The following PCDHGA6 variants were observed in gnomAD, a reference collection of about 807,000 sequenced individuals.
The protein encoded by PCDHGA6 is protocadherin gamma subfamily A, 6, also known as protocadherin gamma-A6.
Under a neutral mutation model 60.6 loss-of-function variants are expected in PCDHGA6, and 41 were observed. The observed-to-expected ratio is 0.68, with a 90% CI of 0.53 to 0.88. The LOEUF (loss-of-function observed/expected upper bound fraction) is 0.88. Ranked by LOEUF, PCDHGA6 falls within the 40% of genes least tolerant of loss-of-function variation. The pLI is 0.00. For missense variants in PCDHGA6, 1,312 were observed against 1,203.0 expected, an observed-to-expected ratio of 1.09 and a Z score of -1.34; for synonymous variants, 594 against 524.4, an observed-to-expected ratio of 1.13 and a Z score of -1.81.
chr5:141,476,224 G>T lies in PCDHGA6; in HGVS notation c.2425-18583G>T. 6.2e-7 allele frequency: 1 copy of T among 1,614,062 alleles called. No individual in the cohort carries two copies. The highest frequency in any genetic ancestry group is 1.1e-5 in the South Asian group (1 of 91,072). ...AGGCTTCCACGGTCATTCACTATGA[G>T]ATCCCGGAGGAAAGAGAGAAGGGTT... On this transcript the variant is annotated intron_variant, in intron 1 of 3. Transcript: ENST00000517434. This position sits in a 1 kb window ranked among gnomAD's most constrained non-coding sequence, Gnocchi z 7.6.
chr5:141,430,458 A>G, intron 1 of PCDHGA6: 1 of 204,230 alleles, frequency 4.9e-6, no homozygotes, highest in Non-Finnish European at 9.7e-6. Context: ...GAAGAACAGT[A>G]GGTGGAGCTA....
rs747509171 is a variant in PCDHGA6, at chr5:141,477,069, A to G, written c.2425-17738A>G. The stretch of plus-strand genomic sequence containing the variant: ...CTGGACTTCGAGGACACCAAACTCC[A>G]TGAGATTTACATCCAGGCCAAAGAC... On this transcript the variant is annotated intron_variant, in intron 1 of 3. Coordinates refer to ENST00000517434, the MANE Select transcript of PCDHGA6 (RefSeq NM_018919.3). The surrounding 1 kb of genome is among the most constrained non-coding windows in gnomAD (Gnocchi z 4.9). 7 of 1,614,246 alleles carry G rather than the reference A, an allele frequency of 4.3e-6. No homozygotes were observed. The highest frequency in any genetic ancestry group is 5.9e-6 in the Non-Finnish European group (7 of 1,180,026).
chr5:141,421,650 A>G, intron 1 of PCDHGA6: 1 of 1,613,868 alleles, frequency 6.2e-7, no homozygotes, highest in South Asian at 1.1e-5. Flanking sequence ...AAGTGGAGAT[A>G]AAAGTCAGTG....
At chr5:141,425,546 A>G (rs2096882460) in intron 1 of PCDHGA6, among the ~76,000 whole-genome samples, 1 of 152,202 alleles carries the variant, frequency 6.6e-6, no homozygotes, top group African/African-American at 2.4e-5. Flanking sequence ...CTTTTCAGAA[A>G]CCTCTTTTAT....
chr5:141,403,215 G>A (rs2150961720), intron 1 of PCDHGA6: 1 of 1,613,996 alleles, frequency 6.2e-7, no homozygotes, highest in South Asian at 1.1e-5. Flanking sequence ...GTCACCGCGG[G>A]TAGGATAGAC....
At chr5:141,415,079 C>A (rs1388248799) in intron 1 of PCDHGA6, 1 of 1,613,380 alleles carries the variant, frequency 6.2e-7, no homozygotes, top group Non-Finnish European at 8.5e-7. Context: ...ACGGCGCGAG[C>A]CCTGCTGGAC....
At chr5:141,399,609 T>C in intron 1 of PCDHGA6, 2 of 1,613,918 alleles carry the variant, frequency 1.2e-6, no homozygotes, top group Non-Finnish European at 1.7e-6. Flanking sequence ...ACCTAGAGCC[T>C]CTGGCACTGG....
intron 1 of PCDHGA6, chr5:141,415,740 G>GTTTTTTTT (rs57426385): frequency 1.3e-4 from 79 of 625,006 alleles, no homozygotes; most frequent in African/African-American, 1.8e-4. Flanking sequence ...GTTTATTAAG[G>GTTTTTTTT]TTTTTTTTTT....
rs759439765 is a variant in PCDHGA6 at position 141,478,199 on chromosome 5, C to A, written c.2425-16608C>A. ...GAAAAAAAATCTCACCTTTTATCTA[C>A]TTCTTTCTCTAATCCTGGTTTCTGT... On this transcript the variant is annotated intron_variant, in intron 1 of 3. Coordinates refer to ENST00000517434, the MANE Select transcript of PCDHGA6 (RefSeq NM_018919.3). The A allele has an allele frequency of 3.8e-5, 62 of 1,613,938 alleles. No homozygotes were observed. Among genetic ancestry groups the A allele is most frequent in the Non-Finnish European group, 5.0e-5 (59 of 1,180,046 alleles).
chr5:141,400,209 G>T (rs371270054), intron 1 of PCDHGA6: 8 of 1,613,934 alleles, frequency 5.0e-6, no homozygotes, highest in African/African-American at 2.7e-5. Flanking sequence ...CCTTGGCCTT[G>T]ATCTCAGTGC....
Position 141,491,699 on chromosome 5 carries a change from A to G in PCDHGA6, c.2425-3108A>G. The G allele has an allele frequency of 6.2e-7, 1 of 1,612,008 alleles. No individual in the cohort carries two copies. The highest frequency in any genetic ancestry group is 1.1e-5 in the South Asian group (1 of 90,926). ...TCTAATACGCTGCGGGAGCGGAGCC[A>G]GGTGAGGGGCTCGGCGCCGCCCCGG... On this transcript the variant is annotated intron_variant, in intron 1 of 3. Transcript: ENST00000517434. The surrounding 1 kb of genome is among the most constrained non-coding windows in gnomAD (Gnocchi z 6.9).
chr5:141,419,443 C>G lies in PCDHGA6; in HGVS notation c.2424+42936C>G, dbSNP rs1476796525. ...TCGACCACGAGCAGCTGCGCACCTT[C>G]GAGCTCACGCTGCAGGCCCGCGACC... On this transcript the variant is annotated intron_variant, in intron 1 of 3. Coordinates refer to ENST00000517434, the MANE Select transcript of PCDHGA6 (RefSeq NM_018919.3). 6.2e-7 allele frequency: 1 copy of G among 1,613,080 alleles called. No individual in the cohort carries two copies. Among genetic ancestry groups the G allele is most frequent in the Non-Finnish European group, 8.5e-7 (1 of 1,179,758 alleles).
rs1394234849 is a variant in PCDHGA6 at position 141,415,739 on chromosome 5, GGTTT to G, written c.2424+39233_2424+39236del. The G allele has an allele frequency of 1.9e-3, 837 of 434,806 alleles. 9 individuals are homozygous for G. In the African/African-American group the frequency reaches 0.026, roughly 14 times the overall value. The allele number at this position is 434,806 out of a possible 1,614,324, so 26.9% of individuals were successfully genotyped here. A position where few individuals can be genotyped will look rare whatever the true frequency, so the allele number is the denominator to read the frequency against. On this transcript the variant is annotated intron_variant, in intron 1 of 3. Coordinates refer to ENST00000517434, the MANE Select transcript of PCDHGA6 (RefSeq NM_018919.3). ...ATGAGTAGAATTTGATGTTTATTAAGGTTTTTTTTTTTTTTTTTTTTTTTTTTTT... is the reference window on the plus strand; with the variant it reads ...ATGAGTAGAATTTGATGTTTATTAAGTTTTTTTTTTTTTTTTTTTTTTTTT...
chr5:141,461,269 TTC>T (rs1316205976), intron 1 of PCDHGA6, among the ~76,000 whole-genome samples: 4 of 152,186 alleles, frequency 2.6e-5, no homozygotes, highest in Admixed American at 2.0e-4. Flanking sequence ...TGTGTAAGTG[TTC>T]TCTTTTCCCC....
chr5:141,401,537 A>G (rs188857820), intron 1 of PCDHGA6, among the ~76,000 whole-genome samples: 56 of 152,362 alleles, frequency 3.7e-4, no homozygotes, highest in Non-Finnish European at 7.5e-4. Context: ...AACTTACAAA[A>G]AAAAGGAAAT....
intron 1 of PCDHGA6, chr5:141,405,323 T>C (rs1420760439): frequency 6.2e-7 from 1 of 1,614,220 alleles, no homozygotes; most frequent in Non-Finnish European, 8.5e-7. Context: ...AAATGAGCCT[T>C]TGTGCGTCTC....
chr5:141,458,633 A>C (rs548586597), intron 1 of PCDHGA6, among the ~76,000 whole-genome samples: 12 of 151,884 alleles, frequency 7.9e-5, no homozygotes, highest in Non-Finnish European at 1.5e-4. Flanking sequence ...GCAGTGGCAC[A>C]ATCCCAGCTC....
chr5:141,392,946 G>A, intron 1 of PCDHGA6: 2 of 1,613,940 alleles, frequency 1.2e-6, no homozygotes, highest in Non-Finnish European at 1.7e-6. Context: ...AGGCTCCTTC[G>A]TGGGTAATAT....
In PCDHGA6 at chr5:141,485,124, C is replaced by A; in HGVS notation, c.2425-9683C>A. ...GCTGCTGTGGCTGTTTGGGGCGGGT[C>A]GGCTTCATCCGCGTCTCAGGAGCAA... is the stretch of plus-strand genomic sequence containing the variant. On this transcript the variant is annotated intron_variant, in intron 1 of 3. Transcript: ENST00000517434. The surrounding 1 kb of genome is among the most constrained non-coding windows in gnomAD (Gnocchi z 5.7). 2 of 1,390,136 alleles carry A rather than the reference C, an allele frequency of 1.4e-6. No homozygotes were observed. The highest frequency in any genetic ancestry group is 2.5e-5 in the South Asian group (2 of 80,180). 86.1% of individuals were successfully genotyped at this position (1,390,136 alleles called of 1,614,324 possible). A position where few individuals can be genotyped will look rare whatever the true frequency, so the allele number is the denominator to read the frequency against.
Sources: gnomAD v4.1 joint callset for allele counts (sites outside exome capture counted in the v4.1 genomes callset) on GRCh38, gnomAD v4.1.1 for gene constraint, Gnocchi (gnomAD v3.1) non-coding constraint, MANE v1.5 for transcripts, NCBI Gene and HGNC (gene_info 2026-07-23, HGNC 2026-07-21) for gene names.